CELSR1: variants seen among roughly 807,000 people sequenced by gnomAD.
The protein encoded by CELSR1 is cadherin EGF LAG seven-pass G-type receptor 1.
A neutral mutation model predicts 249.1 loss-of-function variants in CELSR1; 110 were observed. The observed-to-expected ratio is 0.44, with a 90% CI of 0.38 to 0.52. The LOEUF is 0.52. CELSR1 is among the 20% of genes least tolerant of loss of function. The pLI, the probability that CELSR1 is intolerant of heterozygous loss-of-function variation, is 0.00. For missense variants in CELSR1, 4,109 were observed against 4,296.4 expected, an observed-to-expected ratio of 0.96 and a Z score of 1.22; for synonymous variants, 2,113 against 1,900.0, an observed-to-expected ratio of 1.11 and a Z score of -2.92.
In CELSR1 at chr22:46,526,256, A is replaced by C. The variant is rs1198157989; in HGVS notation, c.3544+7371T>G. 6.6e-6 allele frequency among the ~76,000 whole-genome samples: 1 copy of C among 152,156 alleles called. No individual in the cohort carries two copies. The highest frequency in any genetic ancestry group is 6.5e-5 in the Admixed American group (1 of 15,272). On this transcript the variant is annotated intron_variant, in intron 1 of 34. Transcript: ENST00000674500. The surrounding 1 kb of genome is among the most constrained non-coding windows in gnomAD (Gnocchi z 4.7). ...GCAAACCCGTCTACGAAGCTTGGCC[A>C]CAGTAGCCCTTTGGGAGACAATGAG...
intron 3 of CELSR1, 48 bp downstream of exon 3, chr22:46,439,141 C>T (rs1342510682): frequency 1.9e-5 from 29 of 1,543,924 alleles, no homozygotes; most frequent in Non-Finnish European, 2.6e-5. Context: ...AGAAGCTCGC[C>T]CCTTTCCTAA....
At position 46,471,112 on chromosome 22, in the gene CELSR1, G is replaced by A. The variant is rs547709853; in HGVS notation, c.3545-6767C>T. On this transcript the variant is annotated intron_variant, in intron 1 of 34. Coordinates refer to ENST00000674500, the MANE Select transcript of CELSR1 (RefSeq NM_001378328.1). This position sits in a 1 kb window ranked among gnomAD's most constrained non-coding sequence, Gnocchi z 4.9. ...TGCACTCCAGCCTGGGCGACAGAGT[G>A]AGACTCCACCTCAAAAAAACAACAA... Among the ~76,000 whole-genome samples, 11 of 152,096 alleles carry A rather than the reference G, an allele frequency of 7.2e-5. No homozygotes were observed. Among genetic ancestry groups the A allele is most frequent in the Admixed American group, 2.0e-4 (3 of 15,266 alleles).
rs1430742725 is a variant in CELSR1 at position 46,409,407 on chromosome 22, G to A, written c.5060-245C>T. 6.6e-6 allele frequency among the ~76,000 whole-genome samples: 1 copy of A among 152,194 alleles called. No homozygotes were observed. The highest frequency in any genetic ancestry group is 2.4e-5 in the African/African-American group (1 of 41,452). ...AAGCATGAAGATCTGCAGGCTCCCA[G>A]CCACAGATGGGCGTGGTAAGGGGCT... On this transcript the variant is annotated intron_variant, in intron 8 of 34. Transcript: ENST00000674500. The surrounding 1 kb of genome is among the most constrained non-coding windows in gnomAD (Gnocchi z 9.8).
At position 46,463,118 on chromosome 22, in the gene CELSR1, C is replaced by A. The variant is rs2080051159; in HGVS notation, c.4183+589G>T. On this transcript the variant is annotated intron_variant, in intron 2 of 34. Transcript: ENST00000674500. ...GGTTTTCTTTTAAGTGGATCTCACC[C>A]TGTAACCTTGTCCTACTGTTCTCCT... 2.0e-5 allele frequency among the ~76,000 whole-genome samples: 3 copies of A among 152,246 alleles called. No homozygotes were observed. The South Asian group carries it at 6.2e-4, about 32-fold the overall frequency.
chr22:46,457,078 G>A (rs78523820), intron 2 of CELSR1, among the ~76,000 whole-genome samples: 4,110 of 152,280 alleles, frequency 0.027, 172 homozygotes, highest in African/African-American at 0.092. Context: ...TCCACGTGGC[G>A]TGGACGTACA....
chr22:46,523,622 A>G (rs1342598686), intron 1 of CELSR1, among the ~76,000 whole-genome samples: 1 of 152,070 alleles, frequency 6.6e-6, no homozygotes, highest in Non-Finnish European at 1.5e-5. Context: ...GAGGGAGGGA[A>G]GAATACAGGG....
intron 2 of CELSR1, among the ~76,000 whole-genome samples, chr22:46,459,342 C>G (rs549113800): frequency 1.3e-5 from 2 of 152,298 alleles, no homozygotes; most frequent in South Asian, 4.1e-4. Flanking sequence ...GCCTCCCAGC[C>G]CCTCAGGTGT....
At chr22:46,493,611 C>T (rs971206034) in intron 1 of CELSR1, among the ~76,000 whole-genome samples, 1 of 151,892 alleles carries the variant, frequency 6.6e-6, no homozygotes. Flanking sequence ...CCACCCAAAT[C>T]TCATCTTGAA....
At position 46,365,362 on chromosome 22, in the gene CELSR1, T is replaced by C. The variant is rs956792124; in HGVS notation, c.8423A>G (p.Asp2808Gly). 4 of 1,612,768 alleles carry C rather than the reference T, an allele frequency of 2.5e-6. No homozygotes were observed. Among genetic ancestry groups the C allele is most frequent in the Non-Finnish European group, 3.4e-6 (4 of 1,179,944 alleles). Residue 2808 changes from aspartate to glycine, a missense_variant, in exon 32 of 35, where the codon GAT (aspartate) becomes GGT (glycine). This residue lies in a region of CELSR1 where 1,805 missense variants were observed against 1,831.6 expected (regional missense o/e 0.99). Coordinates refer to ENST00000674500, the MANE Select transcript of CELSR1 (RefSeq NM_001378328.1). The stretch of plus-strand genomic sequence containing the variant: ...CTGCTCATCCAGGGACAGCTCGCTA[T>C]CTGAGTCGGAATCGTGGCCTGTGGA... ...KDPPGHDSDSDSELSLDEQSS... is the reference protein window; with the variant it reads ...KDPPGHDSDSGSELSLDEQSS...
chr22:46,413,516 C>G lies in CELSR1; in HGVS notation c.4612-1757G>C, dbSNP rs1394982919. On this transcript the variant is annotated intron_variant, in intron 5 of 34. Coordinates refer to ENST00000674500, the MANE Select transcript of CELSR1 (RefSeq NM_001378328.1). This position sits in a 1 kb window ranked among gnomAD's most constrained non-coding sequence, Gnocchi z 4.7. ...GATTTACTATTAGAACACACGTCCT[C>G]TCTGTGTTACAGGGAATTGAGGATG... Among the ~76,000 whole-genome samples, 1 of 152,230 alleles carries G rather than the reference C, an allele frequency of 6.6e-6. No homozygotes were observed. Among genetic ancestry groups the G allele is most frequent in the African/African-American group, 2.4e-5 (1 of 41,456 alleles).
At chr22:46,474,365 C>T (rs986504482) in intron 1 of CELSR1, among the ~76,000 whole-genome samples, 2 of 152,098 alleles carry the variant, frequency 1.3e-5, no homozygotes, top group African/African-American at 4.8e-5. Context: ...CCACTGCCAT[C>T]CCCTCGGGCT....
rs145285901 is a variant in CELSR1 at position 46,481,721 on chromosome 22, G to A, written c.3545-17376C>T. ...ATGGAGTCCACCACCTCCTGCACCC[G>A]CAGCTGCTGCAGCTCCCCAGTGGCA... is the stretch of plus-strand genomic sequence containing the variant. On this transcript the variant is annotated intron_variant, in intron 1 of 34. Coordinates refer to ENST00000674500, the MANE Select transcript of CELSR1 (RefSeq NM_001378328.1). 4,245 of 521,316 alleles carry A rather than the reference G, an allele frequency of 8.1e-3. 161 individuals are homozygous for A. Among genetic ancestry groups the A allele is most frequent in the African/African-American group, 0.078 (3,893 of 50,034 alleles). 32.3% of individuals were successfully genotyped at this position (521,316 alleles called of 1,614,324 possible).
chr22:46,496,842 T>C (rs1302598364), intron 1 of CELSR1, among the ~76,000 whole-genome samples: 1 of 152,132 alleles, frequency 6.6e-6, no homozygotes, highest in Non-Finnish European at 1.5e-5. Flanking sequence ...GAGGCTATTT[T>C]ACAGTTAACT....
chr22:46,479,079 C>T (rs1250561278), intron 1 of CELSR1, among the ~76,000 whole-genome samples: 2 of 151,824 alleles, frequency 1.3e-5, no homozygotes, highest in Admixed American at 6.6e-5. Context: ...AGGTGACCCT[C>T]GGCCTCCCTC....
Position 46,433,581 on chromosome 22 carries a change from C to T in CELSR1, c.4523-100G>A, listed in dbSNP as rs1017534800. ...GAGGCATCAGGGGGAGACAGGTGCA[C>T]ATGGCCACGTCCTCCCTCCCCTCCC... is the stretch of plus-strand genomic sequence containing the variant. On this transcript the variant is annotated intron_variant, in intron 4 of 34. Coordinates refer to ENST00000674500, the MANE Select transcript of CELSR1 (RefSeq NM_001378328.1). This position sits in a 1 kb window ranked among gnomAD's most constrained non-coding sequence, Gnocchi z 5.7. The T allele has an allele frequency of 4.9e-6, 4 of 821,264 alleles. No individual in the cohort carries two copies. The highest frequency in any genetic ancestry group is 3.4e-5 in the African/African-American group (2 of 58,966). 50.9% of individuals were successfully genotyped at this position (821,264 alleles called of 1,614,324 possible).
At chr22:46,467,454 G>A (rs527653994) in intron 1 of CELSR1, among the ~76,000 whole-genome samples, 12 of 152,136 alleles carry the variant, frequency 7.9e-5, no homozygotes, top group African/African-American at 2.9e-4. Flanking sequence ...AAAGGGACAC[G>A]CACAGTGTGA....
rs867027698 is a variant in CELSR1 at position 46,398,643 on chromosome 22, C to T, written c.5413-6G>A. 23 of 1,603,660 alleles carry T rather than the reference C, an allele frequency of 1.4e-5. No individual in the cohort carries two copies. The highest frequency in any genetic ancestry group is 2.2e-5 in the East Asian group (1 of 44,650). ...CCCCCGATATCTGCCTTGTTCTGTG[C>T]GGAGAGAGGGGCCGGGGATCTGGGG... On this transcript the variant is annotated splice_polypyrimidine_tract_variant and splice_region_variant and intron_variant, in intron 10 of 34. Transcript: ENST00000674500. This position sits in a 1 kb window ranked among gnomAD's most constrained non-coding sequence, Gnocchi z 7.2.
Position 46,399,906 on chromosome 22 carries a change from G to C in CELSR1, c.5227-4C>G. ...ACTGGAGGTAGTTGTTCAGGATCTG[G>C]AGCAGGGAGAGCCACACCGACTGAT... On this transcript the variant is annotated splice_polypyrimidine_tract_variant and splice_region_variant and intron_variant, in intron 9 of 34. Transcript: ENST00000674500. The surrounding 1 kb of genome is among the most constrained non-coding windows in gnomAD (Gnocchi z 5.0). 6.2e-7 allele frequency: 1 copy of C among 1,613,904 alleles called. No homozygotes were observed. Among genetic ancestry groups the C allele is most frequent in the Non-Finnish European group, 8.5e-7 (1 of 1,179,842 alleles).
intron 1 of CELSR1, among the ~76,000 whole-genome samples, chr22:46,498,552 G>A (rs5767229): frequency 0.12 from 17,937 of 150,552 alleles, 1,156 homozygotes; most frequent in African/African-American, 0.18. Context: ...GGCGGAGGTT[G>A]TAGTGAGCTG....
Sources: gnomAD v4.1 joint callset for allele counts (sites outside exome capture counted in the v4.1 genomes callset) on GRCh38, gnomAD v4.1.1 for gene constraint, gnomAD v4.1.1 regional missense constraint, Gnocchi (gnomAD v3.1) non-coding constraint, MANE v1.5 for transcripts, NCBI Gene and HGNC (gene_info 2026-07-23, HGNC 2026-07-21) for gene names.